Variants in RALGDS observed in about 807,000 individuals in gnomAD.
The protein encoded by RALGDS is ral guanine nucleotide exchange factor.
A neutral mutation model predicts 99.8 loss-of-function variants in RALGDS; 44 were observed. The ratio of observed to expected loss-of-function variants is 0.44; its 90% CI spans 0.35 to 0.57. The LOEUF is 0.57. Ranked by LOEUF, RALGDS falls within the 20% of genes least tolerant of loss-of-function variation. The probability of loss-of-function intolerance (pLI) is 0.01; values close to 1 mark genes in which losing one functional copy is unlikely to be tolerated. For synonymous variants in RALGDS, 529 were observed against 505.0 expected (o/e 1.05, Z -0.64); for missense variants, 1,022 against 1,203.1 (o/e 0.85, Z 2.23).
At chr9:133,131,095 G>A in exon 1 of RALGDS, 1 of 1,464,960 alleles carries the variant, frequency 6.8e-7, no homozygotes, top group Non-Finnish European at 9.0e-7. Context: ...AGGCCCTGGG[G>A]CCCGGCTTCC....
chr9:133,133,863 G>T (rs866704151), upstream of RALGDS, among the ~76,000 whole-genome samples: 1 of 152,180 alleles, frequency 6.6e-6, no homozygotes, highest in Non-Finnish European at 1.5e-5. Context: ...GGCTGGGTGT[G>T]AGGCCCATTG....
intron 4 of RALGDS, 56 bp downstream of exon 4, chr9:133,109,570 T>A: frequency 6.7e-7 from 1 of 1,482,478 alleles, no homozygotes; most frequent in Non-Finnish European, 9.4e-7. Context: ...CCCCATGTAC[T>A]CTCCCACTGT....
rs531228722 is a variant in RALGDS, at chr9:133,100,437, C to T, written c.2455-55G>A. 5.0e-6 allele frequency: 8 copies of T among 1,610,128 alleles called. 1 individual carries two copies. In the South Asian group the frequency reaches 5.5e-5, roughly 11 times the overall value. ...GGAAAAGACCCTGGAGCGGCTCCCC[C>T]AGAGTGCAGTGGCCAAGGACCCTCT... is the stretch of plus-strand genomic sequence containing the variant. On this transcript the variant is annotated intron_variant, in intron 16 of 17. Transcript: ENST00000372050.
chr9:133,117,476 C>T (rs1831666830), intron 1 of RALGDS, among the ~76,000 whole-genome samples: 1 of 152,240 alleles, frequency 6.6e-6, no homozygotes, highest in Non-Finnish European at 1.5e-5. Flanking sequence ...ACGCCAAAAC[C>T]CTCCAACGCA....
intron 1 of RALGDS, among the ~76,000 whole-genome samples, chr9:133,112,546 G>A (rs1470190916): frequency 6.6e-6 from 1 of 152,176 alleles, no homozygotes; most frequent in Non-Finnish European, 1.5e-5. Flanking sequence ...CCTCGGGTAA[G>A]TGGTGAGGCA....
In RALGDS at chr9:133,108,767, C is replaced by A. The variant is rs1377968591; in HGVS notation, c.684G>T (p.Val228=). The A allele has an allele frequency of 3.1e-6, 5 of 1,613,694 alleles. No homozygotes were observed. Among genetic ancestry groups the A allele is most frequent in the Non-Finnish European group, 4.2e-6 (5 of 1,180,018 alleles). The change falls in exon 5 of 18, where the codon GTG becomes GTT. Residue 228 remains valine (V), a synonymous_variant. Transcript: ENST00000372050. ...GGTCTGAGCCTGGCATGTTGAGCTGCACGTAGGCCACCAGCTGCTTGAGGC... is the reference window on the plus strand; with the variant it reads ...GGTCTGAGCCTGGCATGTTGAGCTGAACGTAGGCCACCAGCTGCTTGAGGC... ...FPCLKQLVAY[V]QLNMPGSDLE...
At position 133,104,288 on chromosome 9, in the gene RALGDS, C is replaced by G; in HGVS notation, c.1646G>C (p.Arg549Thr). The G allele has an allele frequency of 6.2e-7, 1 of 1,614,038 alleles. No individual in the cohort carries two copies. ...KFATLEMNPK[R>T]AQKRPKETGI... ...CGTCTCCTTCGGCCGTTTCTGGGCT[C>G]TCTTGGGGTTCATCTCCAGGGTGGC... is the stretch of plus-strand genomic sequence containing the variant. Residue 549 changes from arginine (R) to threonine (T), a missense_variant, in exon 10 of 18, where the codon AGA becomes ACA. Arg to Thr is a moderately conservative substitution (Grantham distance 71). Around this residue, in one of 3 missense-constraint regions of RALGDS, gnomAD observed 825 missense variants for 994.5 expected, o/e 0.83. Transcript: ENST00000372050.
chr9:133,098,385 C>T lies in RALGDS; in HGVS notation c.*202G>A, dbSNP rs1830594803. The stretch of plus-strand genomic sequence containing the variant: ...TCTGGTTCCAGAGAGCAGAAGGCAC[C>T]TAAGGCAGCGAGTGGTCCACGGGAG... On this transcript the variant is annotated 3_prime_UTR_variant, in exon 18 of 18. Transcript: ENST00000372050. The T allele has an allele frequency of 3.3e-6, 2 of 612,206 alleles. No homozygotes were observed. Among genetic ancestry groups the T allele is most frequent in the Non-Finnish European group, 5.8e-6 (2 of 346,292 alleles). 37.9% of individuals were successfully genotyped at this position (612,206 alleles called of 1,614,324 possible).
At chr9:133,129,653 C>G (rs1432208078) in intron 1 of RALGDS, among the ~76,000 whole-genome samples, 1 of 152,118 alleles carries the variant, frequency 6.6e-6, no homozygotes, top group African/African-American at 2.4e-5. Flanking sequence ...CAAATCAAAA[C>G]AGGGTTCGGT....
intron 14 of RALGDS, 27 bp from the exon 15 acceptor site, chr9:133,102,166 G>A (rs749966317): frequency 5.8e-6 from 9 of 1,550,912 alleles, no homozygotes; most frequent in Non-Finnish European, 7.0e-6. Context: ...CTTAGTTAAG[G>A]GGGCTCCCCA....
chr9:133,131,925 A>G (rs1409409359), upstream of RALGDS, among the ~76,000 whole-genome samples: 1 of 152,194 alleles, frequency 6.6e-6, no homozygotes, highest in Non-Finnish European at 1.5e-5. Context: ...TGCTTGGCGG[A>G]TGTGCAATGA....
intron 1 of RALGDS, among the ~76,000 whole-genome samples, chr9:133,114,229 CCT>C (rs1016836366): frequency 2.0e-5 from 3 of 152,188 alleles, no homozygotes; most frequent in African/African-American, 7.2e-5. Flanking sequence ...GAGTTGCCAC[CCT>C]GTCACACAGT....
At chr9:133,139,362 A>C (rs1165128632) in intron 1 of RALGDS, among the ~76,000 whole-genome samples, 1 of 152,178 alleles carries the variant, frequency 6.6e-6, no homozygotes. Context: ...GAAACACCTC[A>C]TGGAGTCCTG....
In RALGDS at chr9:133,110,440, G is replaced by T. The variant is rs781044833; in HGVS notation, c.344C>A (p.Thr115Asn). Residue 115 changes from threonine (T) to asparagine (N), a missense_variant, in exon 3 of 18, where the codon ACC becomes AAC. By Grantham distance (65) the Thr-to-Asn change is moderately conservative. Around this residue, in one of 3 missense-constraint regions of RALGDS, gnomAD observed 180 missense variants for 169.3 expected, o/e 1.06. Transcript: ENST00000372050. ...CTTCTCCAGCGTGCCAGCCTTCACGGTCCGCACCTTGCAAGTCTCATAAAG... is the reference window on the plus strand; with the variant it reads ...CTTCTCCAGCGTGCCAGCCTTCACGTTCCGCACCTTGCAAGTCTCATAAAG... Reference protein sequence around the residue: ...LNLYETCKVRTVKAGTLEKLV... With the variant: ...LNLYETCKVRNVKAGTLEKLV... The T allele has an allele frequency of 6.2e-7, 1 of 1,613,512 alleles. No homozygotes were observed. Among genetic ancestry groups the T allele is most frequent in the East Asian group, 2.2e-5 (1 of 44,882 alleles).
upstream of RALGDS, among the ~76,000 whole-genome samples, chr9:133,132,732 C>T (rs1241955665): frequency 6.6e-6 from 1 of 152,112 alleles, no homozygotes; most frequent in East Asian, 1.9e-4. Flanking sequence ...CTCCGACTCC[C>T]GGGTTCAAGC....
chr9:133,113,780 A>C (rs772737701), intron 1 of RALGDS, among the ~76,000 whole-genome samples: 14 of 152,142 alleles, frequency 9.2e-5, no homozygotes, highest in Non-Finnish European at 1.8e-4. Context: ...CTCAGCTGGG[A>C]GTCTCTCTCT....
intron 1 of RALGDS, among the ~76,000 whole-genome samples, chr9:133,119,974 C>T (rs1160771784): frequency 1.3e-5 from 2 of 152,192 alleles, no homozygotes; most frequent in Non-Finnish European, 2.9e-5. Context: ...CGCAGCAAGG[C>T]AACACGATGC....
Position 133,127,955 on chromosome 9 carries a change from G to A in RALGDS, c.132+2997C>T, listed in dbSNP as rs538526179. 1.1e-4 allele frequency among the ~76,000 whole-genome samples: 17 copies of A among 152,350 alleles called. No homozygotes were observed. The East Asian group carries it at 2.7e-3, about 24-fold the overall frequency. On this transcript the variant is annotated intron_variant, in intron 1 of 17. Transcript: ENST00000372062. Reference sequence around the variant, plus strand: ...CCTGGACGGGGATGCAGAGGGCTCCGGATCAGCCTGGGGCTCGCTGTGGGG... The same window carrying A: ...CCTGGACGGGGATGCAGAGGGCTCCAGATCAGCCTGGGGCTCGCTGTGGGG...
At chr9:133,110,146 C>T (rs1439854091) in intron 3 of RALGDS, 150 bp downstream of exon 3, 2 of 824,580 alleles carry the variant, frequency 2.4e-6, no homozygotes, top group African/African-American at 3.4e-5. Context: ...TGGTGACAAC[C>T]CCATGAGGTC....
Sources: allele counts gnomAD v4.1 joint callset (sites outside exome capture counted in the v4.1 genomes callset), GRCh38; gene constraint gnomAD v4.1.1; regional missense constraint gnomAD v4.1.1; transcripts MANE v1.5; gene names NCBI Gene and HGNC (gene_info 2026-07-23, HGNC 2026-07-21).